The following HS6ST3 variants were observed in gnomAD, a reference collection of about 807,000 sequenced individuals.
HS6ST3 encodes the protein heparan sulfate 6-O-sulfotransferase 3, also known as heparan-sulfate 6-O-sulfotransferase 3.
A neutral mutation model predicts 36.7 loss-of-function variants in HS6ST3; 12 were observed. The observed-to-expected ratio is 0.33, with a 90% CI of 0.21 to 0.53. HS6ST3 has a LOEUF of 0.53. Ranked by LOEUF, HS6ST3 falls within the 20% of genes least tolerant of loss-of-function variation. HS6ST3 has a pLI of 0.95. For missense variants in HS6ST3, 584 were observed against 640.9 expected (o/e 0.91, Z 0.96); for synonymous variants, 240 against 257.5 (o/e 0.93, Z 0.65).
intron 1 of HS6ST3, among the ~76,000 whole-genome samples, chr13:96,589,113 G>T (rs1262115610): frequency 6.8e-6 from 1 of 147,910 alleles, no homozygotes; most frequent in Non-Finnish European, 1.5e-5. Flanking sequence ...AGTTTGAAAA[G>T]AATTGTTTTT....
intron 1 of HS6ST3, among the ~76,000 whole-genome samples, chr13:96,770,075 A>G (rs1877224233): frequency 6.6e-6 from 1 of 152,172 alleles, no homozygotes; most frequent in Admixed American, 6.5e-5. Context: ...GATAAACAAC[A>G]TTATACCAGT....
intron 1 of HS6ST3, among the ~76,000 whole-genome samples, chr13:96,714,335 A>T (rs976830336): frequency 6.6e-5 from 10 of 152,198 alleles, no homozygotes; most frequent in Non-Finnish European, 1.5e-5. Context: ...AAATGGGCCA[A>T]GGGTAAAGAG....
At chr13:96,530,726 A>G (rs1280090468) in intron 1 of HS6ST3, among the ~76,000 whole-genome samples, 1 of 151,980 alleles carries the variant, frequency 6.6e-6, no homozygotes, top group Non-Finnish European at 1.5e-5. Flanking sequence ...CCTCCATTCT[A>G]TTTCCAGCAA....
intron 1 of HS6ST3, among the ~76,000 whole-genome samples, chr13:96,671,303 TTTC>T (rs1331482906): frequency 3.9e-5 from 6 of 152,118 alleles, no homozygotes; most frequent in Admixed American, 3.9e-4. Flanking sequence ...CCCTTACATA[TTTC>T]AAAGATGGCT....
At chr13:96,502,245 C>T (rs1252200088) in intron 1 of HS6ST3, among the ~76,000 whole-genome samples, 2 of 152,124 alleles carry the variant, frequency 1.3e-5, no homozygotes, top group African/African-American at 4.8e-5. Flanking sequence ...GGTCTGGACA[C>T]CTAGCAGGCA....
chr13:96,373,555 C>A (rs1489927547), intron 1 of HS6ST3, among the ~76,000 whole-genome samples: 1 of 152,172 alleles, frequency 6.6e-6, no homozygotes, highest in Non-Finnish European at 1.5e-5. Flanking sequence ...CTTTCTGAAG[C>A]ATAAGCTTTC....
intron 1 of HS6ST3, among the ~76,000 whole-genome samples, chr13:96,769,946 C>T (rs1877221414): frequency 6.6e-6 from 1 of 152,108 alleles, no homozygotes; most frequent in African/African-American, 2.4e-5. Flanking sequence ...TCCTTAATGC[C>T]TCTACACATG....
intron 1 of HS6ST3, among the ~76,000 whole-genome samples, chr13:96,300,449 C>G (rs1594747006): frequency 6.6e-6 from 1 of 152,090 alleles, no homozygotes; most frequent in Non-Finnish European, 1.5e-5. Flanking sequence ...CCAGTCGCCT[C>G]CCACCAGGTC....
At chr13:96,385,250 C>G (rs138508404) in intron 1 of HS6ST3, among the ~76,000 whole-genome samples, 126 of 151,770 alleles carry the variant, frequency 8.3e-4, no homozygotes, top group Non-Finnish European at 1.5e-3. Flanking sequence ...CGTTCTAGCT[C>G]CAAAGAAAGA....
chr13:96,289,761 G>T (rs1371396223), intron 1 of HS6ST3, among the ~76,000 whole-genome samples: 1 of 152,080 alleles, frequency 6.6e-6, no homozygotes, highest in African/African-American at 2.4e-5. Context: ...CAGTAGACTG[G>T]CCATAGCTTG....
intron 1 of HS6ST3, among the ~76,000 whole-genome samples, chr13:96,521,632 T>C (rs2056093948): frequency 6.6e-6 from 1 of 152,228 alleles, no homozygotes; most frequent in Non-Finnish European, 1.5e-5. Context: ...TTCTAGCTTA[T>C]TTGCATAGAG....
intron 1 of HS6ST3, among the ~76,000 whole-genome samples, chr13:96,736,557 G>A (rs1404066954): frequency 1.3e-5 from 2 of 152,070 alleles, no homozygotes; most frequent in African/African-American, 4.8e-5. Context: ...ACATAACTAA[G>A]TGTATAGAAA....
At chr13:96,414,671 G>A (rs751971611) in intron 1 of HS6ST3, among the ~76,000 whole-genome samples, 4 of 152,068 alleles carry the variant, frequency 2.6e-5, no homozygotes, top group Non-Finnish European at 5.9e-5. Flanking sequence ...TAGTAGAGAT[G>A]GAGTTTTACC....
chr13:96,717,019 G>C (rs1875714747), intron 1 of HS6ST3, among the ~76,000 whole-genome samples: 1 of 152,154 alleles, frequency 6.6e-6, no homozygotes, highest in African/African-American at 2.4e-5. Flanking sequence ...AACGAGACCT[G>C]TGAAATGTGG....
chr13:96,547,951 T>G (rs1308113101), intron 1 of HS6ST3, among the ~76,000 whole-genome samples: 1 of 152,124 alleles, frequency 6.6e-6, no homozygotes, highest in Non-Finnish European at 1.5e-5. Context: ...GTCATAACAA[T>G]TCTTCTTCAC....
intron 1 of HS6ST3, among the ~76,000 whole-genome samples, chr13:96,506,249 T>A (rs1338382451): frequency 3.3e-5 from 5 of 152,100 alleles, no homozygotes; most frequent in Non-Finnish European, 7.4e-5. Context: ...TCTCACTACT[T>A]TTAATTATTT....
At chr13:96,792,200 G>C (rs968674795) in intron 1 of HS6ST3, among the ~76,000 whole-genome samples, 3 of 152,012 alleles carry the variant, frequency 2.0e-5, no homozygotes, top group African/African-American at 7.2e-5. Context: ...TGTGAAAAGA[G>C]ATTGCCCATG....
At chr13:96,737,238 A>T (rs1306156245) in intron 1 of HS6ST3, among the ~76,000 whole-genome samples, 2 of 152,244 alleles carry the variant, frequency 1.3e-5, no homozygotes, top group Non-Finnish European at 2.9e-5. Context: ...GCTCAGTTTT[A>T]TACAAACATA....
At chr13:96,760,909 A>G (rs760330145) in intron 1 of HS6ST3, among the ~76,000 whole-genome samples, 3 of 152,032 alleles carry the variant, frequency 2.0e-5, no homozygotes, top group Non-Finnish European at 4.4e-5. Flanking sequence ...CCCACATTCC[A>G]TTTATAGATT....
Sources: gnomAD v4.1 joint callset for allele counts (sites outside exome capture counted in the v4.1 genomes callset) on GRCh38, gnomAD v4.1.1 for gene constraint, MANE v1.5 for transcripts, NCBI Gene and HGNC (gene_info 2026-07-23, HGNC 2026-07-21) for gene names.